Variants in USO1 observed in about 807,000 individuals in gnomAD.
USO1 encodes USO1 vesicle transport factor, also known as general vesicular transport factor p115.
A neutral mutation model predicts 124.5 loss-of-function variants in USO1; 57 were observed. That is an observed-to-expected ratio of 0.46 (90% confidence interval 0.37 to 0.57). USO1 has a LOEUF of 0.57. USO1 is among the 20% of genes least tolerant of loss of function. The pLI is 0.00. For synonymous variants in USO1, 369 were observed against 362.8 expected, an observed-to-expected ratio of 1.02 and a Z score of -0.19; for missense variants, 900 against 1,040.6, an observed-to-expected ratio of 0.86 and a Z score of 1.86.
At chr4:75,728,604 G>T (rs562021766) in intron 1 of USO1, among the ~76,000 whole-genome samples, 1 of 152,316 alleles carries the variant, frequency 6.6e-6, no homozygotes, top group African/African-American at 2.4e-5. Flanking sequence ...GAGTGGTTAA[G>T]ATTGTGCCAC....
intron 1 of USO1, among the ~76,000 whole-genome samples, chr4:75,738,225 A>G (rs958054269): frequency 6.6e-6 from 1 of 151,666 alleles, no homozygotes; most frequent in African/African-American, 2.4e-5. Flanking sequence ...GGGAGGCCAA[A>G]GCCAGTGGAT....
intron 8 of USO1, among the ~76,000 whole-genome samples, chr4:75,779,574 T>G (rs1426265574): frequency 1.3e-5 from 2 of 152,208 alleles, no homozygotes; most frequent in African/African-American, 2.4e-5. Context: ...AACACTTCAT[T>G]AAGCCAAGCG....
At chr4:75,800,140 T>C (rs1416435920) in intron 14 of USO1, among the ~76,000 whole-genome samples, 2 of 151,998 alleles carry the variant, frequency 1.3e-5, no homozygotes, top group African/African-American at 4.8e-5. Context: ...TAGAGACATG[T>C]TGGCCAGGCT....
chr4:75,728,523 G>T (rs1438243474), intron 1 of USO1, among the ~76,000 whole-genome samples: 1 of 152,136 alleles, frequency 6.6e-6, no homozygotes. Flanking sequence ...GGTGGCACAT[G>T]CCTATAATCT....
chr4:75,812,868 T>G (rs1028331420), intron 23 of USO1, among the ~76,000 whole-genome samples: 12 of 152,082 alleles, frequency 7.9e-5, no homozygotes, highest in African/African-American at 2.9e-4. Context: ...CCTAGCACTT[T>G]GGGGGGCTGA....
chr4:75,730,283 TG>T (rs370840576), intron 1 of USO1, among the ~76,000 whole-genome samples: 11 of 152,152 alleles, frequency 7.2e-5, no homozygotes, highest in African/African-American at 2.2e-4. Context: ...TTTGAATAGA[TG>T]TCCATGAAAA....
Position 75,754,237 on chromosome 4 carries a change from C to T in USO1, c.218+1633C>T, listed in dbSNP as rs555993512. ...TACCTGGGATTACAGGCATGCGCCACCATGCCTGGCTAATTTTGTATGTTT... is the reference window on the plus strand; with the variant it reads ...TACCTGGGATTACAGGCATGCGCCATCATGCCTGGCTAATTTTGTATGTTT... On this transcript the variant is annotated intron_variant, in intron 3 of 23. Transcript: ENST00000514213. 3.9e-5 allele frequency among the ~76,000 whole-genome samples: 6 copies of T among 152,162 alleles called. No homozygotes were observed. The South Asian group carries it at 1.2e-3, about 32-fold the overall frequency.
intron 8 of USO1, among the ~76,000 whole-genome samples, chr4:75,779,106 G>A (rs997272954): frequency 6.6e-6 from 1 of 152,132 alleles, no homozygotes; most frequent in Non-Finnish European, 1.5e-5. Flanking sequence ...CACAAACAGT[G>A]CCCATATAAG....
At chr4:75,781,129 G>A (rs1033932151) in intron 8 of USO1, among the ~76,000 whole-genome samples, 1 of 152,070 alleles carries the variant, frequency 6.6e-6, no homozygotes, top group African/African-American at 2.4e-5. Flanking sequence ...AAGATTTACA[G>A]GAGTTTGGAA....
At chr4:75,731,326 C>T (rs1466384825) in intron 1 of USO1, among the ~76,000 whole-genome samples, 1 of 152,180 alleles carries the variant, frequency 6.6e-6, no homozygotes, top group Admixed American at 6.5e-5. Context: ...CTTTGGTAGG[C>T]TGAGGCGGGT....
chr4:75,782,646 GC>G, intron 8 of USO1, 33 bp from the exon 9 acceptor site: 1 of 1,520,026 alleles, frequency 6.6e-7, no homozygotes, highest in Non-Finnish European at 8.8e-7. Context: ...GGTTTTACGA[GC>G]CTTAACGCTT....
At chr4:75,782,280 C>G (rs1016502657) in intron 8 of USO1, among the ~76,000 whole-genome samples, 3 of 152,128 alleles carry the variant, frequency 2.0e-5, no homozygotes, top group African/African-American at 4.8e-5. Flanking sequence ...GTAGACTGTT[C>G]ACAAGCGTTT....
At chr4:75,805,000 A>G in intron 18 of USO1, 140 bp from the exon 19 acceptor site, 3 of 1,173,988 alleles carry the variant, frequency 2.6e-6, no homozygotes, top group Middle Eastern at 2.9e-4. Flanking sequence ...TCAGTATACC[A>G]TTCTGCAAAG....
intron 12 of USO1, 114 bp downstream of exon 12, chr4:75,790,911 GA>G (rs371799085): frequency 0.014 from 12,469 of 906,400 alleles, no homozygotes; most frequent in East Asian, 0.019. Flanking sequence ...GCTTAGGAGA[GA>G]AAAAAAAAAA....
At position 75,810,493 on chromosome 4, in the gene USO1, T is replaced by C. The variant is rs775786030; in HGVS notation, c.2537T>C (p.Val846Ala). ...ETIIATKTTD[V>A]EGRLSALLQE... The stretch of plus-strand genomic sequence containing the variant: ...ATAATAGCCACCAAAACTACTGATG[T>C]AGAAGGAAGACTGTCAGCATTATTA... Residue 846 changes from valine to alanine, a missense_variant, in exon 22 of 24, where the codon GTA becomes GCA. Transcript: ENST00000514213. 5.0e-6 allele frequency: 8 copies of C among 1,613,054 alleles called. No individual in the cohort carries two copies. Among genetic ancestry groups the C allele is most frequent in the Admixed American group, 1.7e-5 (1 of 59,950 alleles).
At chr4:75,800,242 A>G in intron 14 of USO1, 109 bp from the exon 15 acceptor site, 3 of 1,321,536 alleles carry the variant, frequency 2.3e-6, no homozygotes, top group South Asian at 3.3e-5. Context: ...TAGCCTATAT[A>G]TGGAATTTCT....
At position 75,793,713 on chromosome 4, in the gene USO1, G is replaced by A. The variant is rs1402383280; in HGVS notation, c.1264G>A (p.Gly422Ser). Residue 422 changes from glycine (G) to serine (S), a missense_variant, in exon 13 of 24, where the codon GGC becomes AGC. Gly to Ser is a moderately conservative substitution (Grantham distance 56). Coordinates refer to ENST00000514213, the MANE Select transcript of USO1 (RefSeq NM_003715.4). ...AGCAACAGGTAATTCAGTTTCAGCT[G>A]GCCAGTTATTATGTGGAGGTTTGTT... Reference protein sequence around the residue: ...IDATGNSVSAGQLLCGGLFST... With the variant: ...IDATGNSVSASQLLCGGLFST... 6.2e-7 allele frequency: 1 copy of A among 1,610,582 alleles called. No homozygotes were observed. The highest frequency in any genetic ancestry group is 8.5e-7 in the Non-Finnish European group (1 of 1,178,084).
At position 75,800,445 on chromosome 4, in the gene USO1, A is replaced by T. The variant is rs1189767679; in HGVS notation, c.1658A>T (p.Asp553Val). 20 of 1,594,218 alleles carry T rather than the reference A, an allele frequency of 1.3e-5. No homozygotes were observed. Among genetic ancestry groups the T allele is most frequent in the Non-Finnish European group, 1.7e-5 (20 of 1,169,678 alleles). Residue 553 changes from aspartate to valine, a missense_variant, in exon 15 of 24, where the codon GAT becomes GTT. By Grantham distance (152) the Asp-to-Val change is radical. This residue lies in a region of USO1 where 538 missense variants were observed against 681.6 expected (regional missense o/e 0.79). Transcript: ENST00000514213. ...TTGGGCATTTCGATTTATTTCAATGATAACTCACTTGAGAGCTACATGAAG... is the reference window on the plus strand; with the variant it reads ...TTGGGCATTTCGATTTATTTCAATGTTAACTCACTTGAGAGCTACATGAAG... ...LLLGISIYFN[D>V]NSLESYMKEK...
At chr4:75,737,044 G>A (rs1720812331) in intron 1 of USO1, among the ~76,000 whole-genome samples, 1 of 152,184 alleles carries the variant, frequency 6.6e-6, no homozygotes, top group African/African-American at 2.4e-5. Context: ...ATCCTGATTT[G>A]AGGATGTGGC....
Sources: allele counts gnomAD v4.1 joint callset (sites outside exome capture counted in the v4.1 genomes callset), GRCh38; gene constraint gnomAD v4.1.1; regional missense constraint gnomAD v4.1.1; transcripts MANE v1.5; gene names NCBI Gene and HGNC (gene_info 2026-07-23, HGNC 2026-07-21).